The following PCDHA1 variants were observed in gnomAD, a reference collection of about 807,000 sequenced individuals.
PCDHA1 encodes the protein protocadherin alpha 1, also known as protocadherin alpha-1.
PCDHA1 carries 42 observed loss-of-function variants against 61.3 expected under a neutral mutation model. That is an observed-to-expected ratio of 0.69 (90% CI 0.54 to 0.89). The LOEUF (loss-of-function observed/expected upper bound fraction) is 0.89. PCDHA1 is among the 40% of genes least tolerant of loss of function. The pLI, the probability that PCDHA1 is intolerant of heterozygous loss-of-function variation, is 0.00. For missense variants in PCDHA1, 1,256 were observed against 1,235.3 expected (o/e 1.02, Z -0.25); for synonymous variants, 610 against 553.8 (o/e 1.10, Z -1.43).
chr5:140,898,980 G>A (rs2067076537), intron 1 of PCDHA1, among the ~76,000 whole-genome samples: 1 of 151,930 alleles, frequency 6.6e-6, no homozygotes, highest in South Asian at 2.1e-4. Flanking sequence ...CTCATGATTT[G>A]GCTCTCTGTT....
chr5:140,833,390 T>G (rs1349279965), intron 1 of PCDHA1, among the ~76,000 whole-genome samples: 2 of 152,166 alleles, frequency 1.3e-5, no homozygotes, highest in Non-Finnish European at 2.9e-5. Context: ...ATGAAATACC[T>G]CAAGACTTGA....
rs558801074 is a variant in PCDHA1 at position 140,931,826 on chromosome 5, G to A, written c.2395-47123G>A. On this transcript the variant is annotated intron_variant, in intron 1 of 3. Transcript: ENST00000504120. ...TCTTTAGAAAAGAATTCTTGTCATA[G>A]TATCCTGAATGCCTTAATAACAACA... Among the ~76,000 whole-genome samples, 28 of 151,962 alleles carry A rather than the reference G, an allele frequency of 1.8e-4. No homozygotes were observed. In the South Asian group the frequency reaches 5.4e-3, roughly 29 times the overall value.
intron 1 of PCDHA1, among the ~76,000 whole-genome samples, chr5:140,937,273 G>A (rs1165421382): frequency 1.3e-5 from 2 of 151,966 alleles, no homozygotes; most frequent in African/African-American, 2.4e-5. Context: ...TCCTGACCTC[G>A]TGATTCACCC....
At chr5:140,979,973 A>G (rs782560392) in intron 2 of PCDHA1, among the ~76,000 whole-genome samples, 9 of 152,230 alleles carry the variant, frequency 5.9e-5, no homozygotes, top group Non-Finnish European at 1.0e-4. Context: ...ATTAAAATGC[A>G]TTAGATTGAA....
intron 1 of PCDHA1, chr5:140,860,137 A>C (rs941289854): frequency 1.3e-5 from 2 of 150,438 alleles, no homozygotes; most frequent in Non-Finnish European, 3.0e-5. Flanking sequence ...GTGTGTGTAT[A>C]TATATGTATA....
In PCDHA1 at chr5:140,883,463, T is replaced by C. The variant is rs1028584234; in HGVS notation, c.2394+94779T>C. On this transcript the variant is annotated intron_variant, in intron 1 of 3. Transcript: ENST00000504120. ...GCCGCATGTCCCCTTCAAGCTGGTGTCCACCTACAAGAACTACTACTCATT... is the reference window on the plus strand; with the variant it reads ...GCCGCATGTCCCCTTCAAGCTGGTGCCCACCTACAAGAACTACTACTCATT... 44 of 1,614,040 alleles carry C rather than the reference T, an allele frequency of 2.7e-5. No individual in the cohort carries two copies. Among genetic ancestry groups the C allele is most frequent in the Non-Finnish European group, 3.6e-5 (42 of 1,180,048 alleles).
intron 1 of PCDHA1, among the ~76,000 whole-genome samples, chr5:140,913,578 A>G (rs1206858917): frequency 2.0e-5 from 3 of 152,072 alleles, no homozygotes; most frequent in Non-Finnish European, 2.9e-5. Context: ...CATTTCAAAT[A>G]TATTTCTGCT....
At chr5:140,833,795 C>G (rs959887752) in intron 1 of PCDHA1, among the ~76,000 whole-genome samples, 2 of 152,096 alleles carry the variant, frequency 1.3e-5, no homozygotes, top group African/African-American at 4.8e-5. Context: ...TTTCATCAAT[C>G]AGTAGATTCT....
chr5:140,839,663 T>C (rs1477931034), intron 1 of PCDHA1, among the ~76,000 whole-genome samples: 1 of 152,084 alleles, frequency 6.6e-6, no homozygotes, highest in East Asian at 1.9e-4. Context: ...TTTGCTACTA[T>C]TTAGAGTCAA....
At chr5:140,840,692 G>A (rs181650579) in intron 1 of PCDHA1, among the ~76,000 whole-genome samples, 1 of 151,924 alleles carries the variant, frequency 6.6e-6, no homozygotes, top group African/African-American at 2.4e-5. Flanking sequence ...TAAATAAAAC[G>A]GTTCAGGCAA....
rs372392810 is a variant in PCDHA1, at chr5:140,953,521, C to T, written c.2395-25428C>T. On this transcript the variant is annotated intron_variant, in intron 1 of 3. Coordinates refer to ENST00000504120, the MANE Select transcript of PCDHA1 (RefSeq NM_018900.4). Reference sequence around the variant, plus strand: ...AGCTATTAGGCCAAAGCAACAAAAACGGGAAACTCACTTCATGCTGATTCT... The same window carrying T: ...AGCTATTAGGCCAAAGCAACAAAAATGGGAAACTCACTTCATGCTGATTCT... 2.0e-5 allele frequency among the ~76,000 whole-genome samples: 3 copies of T among 152,230 alleles called. No individual in the cohort carries two copies. In the East Asian group the frequency reaches 5.8e-4, roughly 29 times the overall value.
At chr5:140,854,853 C>G (rs1441066752) in intron 1 of PCDHA1, among the ~76,000 whole-genome samples, 1 of 149,620 alleles carries the variant, frequency 6.7e-6, no homozygotes, top group Non-Finnish European at 1.5e-5. Flanking sequence ...GATAAAATTA[C>G]TAGATATATT....
intron 1 of PCDHA1, chr5:140,822,029 T>C (rs1258715639): frequency 2.5e-6 from 4 of 1,614,166 alleles, no homozygotes; most frequent in Non-Finnish European, 3.4e-6. Flanking sequence ...ATTTTGTTTG[T>C]GAATTCTCGG....
At chr5:140,884,622 GAAC>G (rs1562808706) in intron 1 of PCDHA1, 7 of 1,613,830 alleles carry the variant, frequency 4.3e-6, no homozygotes, top group Non-Finnish European at 5.9e-6. Flanking sequence ...TCTGCAGAGG[GAAC>G]AGGCCAGAGG....
At position 140,848,612 on chromosome 5, in the gene PCDHA1, C is replaced by T. The variant is rs141640003; in HGVS notation, c.2394+59928C>T. The T allele has an allele frequency of 2.7e-3, 4,330 of 1,586,952 alleles. 470 individuals carry two copies. Among genetic ancestry groups the T allele is most frequent in the Middle Eastern group, 9.9e-3 (57 of 5,730 alleles). On this transcript the variant is annotated intron_variant, in intron 1 of 3. Coordinates refer to ENST00000504120, the MANE Select transcript of PCDHA1 (RefSeq NM_018900.4). Reference sequence around the variant, plus strand: ...TCCACTACTCCGTCCCGGAGGAAGCCGAACACGGCACCTTCGTGGGCCGCA... The same window carrying T: ...TCCACTACTCCGTCCCGGAGGAAGCTGAACACGGCACCTTCGTGGGCCGCA...
At chr5:140,929,132 T>C (rs782124526) in intron 1 of PCDHA1, 2 of 1,614,214 alleles carry the variant, frequency 1.2e-6, no homozygotes, top group East Asian at 4.5e-5. Flanking sequence ...GTCACTACAG[T>C]TGAGAGACTT....
rs1397274162 is a variant in PCDHA1, at chr5:140,845,104, T to G, written c.2394+56420T>G. 8.0e-5 allele frequency among the ~76,000 whole-genome samples: 12 copies of G among 149,722 alleles called. 2 individuals are homozygous for G. In the Admixed American group the frequency reaches 8.0e-4, roughly 10 times the overall value. On this transcript the variant is annotated intron_variant, in intron 1 of 3. Transcript: ENST00000504120. ...GTAGTTTATTTTACAGTTCTCTTAA[T>G]GCCTGTCCATGTTTAGCATTTTATT... is the stretch of plus-strand genomic sequence containing the variant.
chr5:140,786,844 G>A lies in PCDHA1; in HGVS notation c.554G>A (p.Ser185Asn). ...TATTTCTCTTTGGATGTAGAGGCAAGTGATGAACTGAGTAAATCTCTTTGG... is the reference window on the plus strand; with the variant it reads ...TATTTCTCTTTGGATGTAGAGGCAAATGATGAACTGAGTAAATCTCTTTGG... ...SDYFSLDVEA[S>N]DELSKSLWLE... Residue 185 changes from serine (S) to asparagine (N), a missense_variant, in exon 1 of 4, where the codon AGT becomes AAT. By Grantham distance (46) the Ser-to-Asn change is conservative. Coordinates refer to ENST00000504120, the MANE Select transcript of PCDHA1 (RefSeq NM_018900.4). 2.5e-6 allele frequency: 4 copies of A among 1,614,224 alleles called. No individual in the cohort carries two copies. Among genetic ancestry groups the A allele is most frequent in the Non-Finnish European group, 3.4e-6 (4 of 1,180,038 alleles).
chr5:140,805,351 T>C, intron 1 of PCDHA1: 2 of 1,208,666 alleles, frequency 1.7e-6, no homozygotes, highest in Non-Finnish European at 2.1e-6. Context: ...TTTGTAAAAA[T>C]ATAGTTTGGG....
Sources: allele counts gnomAD v4.1 joint callset (sites outside exome capture counted in the v4.1 genomes callset), GRCh38; gene constraint gnomAD v4.1.1; transcripts MANE v1.5; gene names NCBI Gene and HGNC (gene_info 2026-07-23, HGNC 2026-07-21).